Variants in SYT1 observed in about 807,000 individuals in gnomAD.
SYT1 encodes the protein synaptotagmin 1.
SYT1 carries 8 observed loss-of-function variants against 44.8 expected under a neutral mutation model. The ratio of observed to expected loss-of-function variants is 0.18; its 90% confidence interval spans 0.10 to 0.32. The LOEUF (loss-of-function observed/expected upper bound fraction) is 0.32. Ranked by LOEUF, SYT1 falls within the 10% of genes least tolerant of loss-of-function variation. The pLI is 1.00. For synonymous variants in SYT1, 154 were observed against 188.8 expected, an observed-to-expected ratio of 0.82 and a Z score of 1.51; for missense variants, 286 against 509.3, an observed-to-expected ratio of 0.56 and a Z score of 4.22.
chr12:79,340,151 G>A (rs1260893519), intron 8 of SYT1, among the ~76,000 whole-genome samples: 1 of 152,064 alleles, frequency 6.6e-6, no homozygotes, highest in Admixed American at 6.5e-5. Context: ...TTGGCAATGC[G>A]GGCTCTTTTT....
In SYT1 at chr12:79,451,795, T is replaced by C. The variant is rs1871073122; in HGVS notation, c.*2671T>C. ...TGTTTCTATGTGTGGGTTTTCCCTG[T>C]ATCTTGTAGAAATGTTGGGGTGTTT... On this transcript the variant is annotated 3_prime_UTR_variant, in exon 11 of 11. Transcript: ENST00000261205. 1 of 152,210 alleles carries C rather than the reference T, an allele frequency of 6.6e-6. No homozygotes were observed. The highest frequency in any genetic ancestry group is 1.5e-5 in the Non-Finnish European group (1 of 68,042). 9.4% of individuals were successfully genotyped at this position (152,210 alleles called of 1,614,324 possible). A position where few individuals can be genotyped will look rare whatever the true frequency, so the allele number is the denominator to read the frequency against.
intron 9 of SYT1, among the ~76,000 whole-genome samples, chr12:79,439,844 T>G (rs1687496630): frequency 6.6e-6 from 1 of 151,848 alleles, no homozygotes; most frequent in Non-Finnish European, 1.5e-5. Flanking sequence ...TTGTAAACAC[T>G]GTACTAAATT....
intron 2 of SYT1, among the ~76,000 whole-genome samples, chr12:79,002,893 A>C (rs919449491): frequency 6.6e-6 from 1 of 152,076 alleles, no homozygotes; most frequent in Non-Finnish European, 1.5e-5. Flanking sequence ...TTTCCTTTTA[A>C]AATGAGTACA....
At chr12:79,321,664 C>T (rs1448823429) in intron 8 of SYT1, among the ~76,000 whole-genome samples, 1 of 152,168 alleles carries the variant, frequency 6.6e-6, no homozygotes, top group Non-Finnish European at 1.5e-5. Context: ...GGCTGCTGTT[C>T]AGGGCACTGG....
intron 8 of SYT1, among the ~76,000 whole-genome samples, chr12:79,314,067 G>A (rs1370375151): frequency 1.3e-5 from 2 of 149,924 alleles, no homozygotes; most frequent in African/African-American, 5.0e-5. Flanking sequence ...TACTCGGGAG[G>A]CTGAGGCAGG....
At chr12:79,044,456 G>C (rs1248762040) in intron 2 of SYT1, among the ~76,000 whole-genome samples, 8 of 149,504 alleles carry the variant, frequency 5.4e-5, no homozygotes, top group Non-Finnish European at 4.5e-5. Context: ...CGTAGTTCTC[G>C]AGCCTTGGTT....
intron 9 of SYT1, among the ~76,000 whole-genome samples, chr12:79,375,221 G>C (rs1302571767): frequency 1.3e-5 from 2 of 152,154 alleles, no homozygotes; most frequent in Non-Finnish European, 2.9e-5. Flanking sequence ...TAATTAACAG[G>C]ATTTCACAAG....
intron 8 of SYT1, among the ~76,000 whole-genome samples, chr12:79,322,644 G>A (rs73352954): frequency 0.011 from 1,612 of 152,160 alleles, 30 homozygotes; most frequent in African/African-American, 0.036. Context: ...CTCTCGGGGC[G>A]TTGGGCATTT....
Position 79,300,792 on chromosome 12 carries a change from TATATATATA to T in SYT1, c.810+1242_810+1250del, listed in dbSNP as rs1565897803. On this transcript the variant is annotated intron_variant, in intron 8 of 10. Transcript: ENST00000261205. ...ATATAATATTCATGTATACTTATTA[TATATATATA>T]TATATATATATATATATATATATTT... 2.0e-3 allele frequency among the ~76,000 whole-genome samples: 150 copies of T among 74,878 alleles called. 2 individuals are homozygous for T. Among genetic ancestry groups the T allele is most frequent in the African/African-American group, 5.4e-3 (130 of 24,234 alleles). The allele number at this position is 74,878 out of a possible 152,430, so 49.1% of individuals were successfully genotyped here. A position where few individuals can be genotyped will look rare whatever the true frequency, so the allele number is the denominator to read the frequency against.
intron 8 of SYT1, among the ~76,000 whole-genome samples, chr12:79,321,246 AG>A (rs1389347733): frequency 6.6e-6 from 1 of 152,204 alleles, no homozygotes; most frequent in African/African-American, 2.4e-5. Context: ...TTAAATCAAA[AG>A]TTTGCCTTAC....
At chr12:79,215,653 G>T (rs543398903) in intron 3 of SYT1, among the ~76,000 whole-genome samples, 3 of 151,976 alleles carry the variant, frequency 2.0e-5, no homozygotes, top group Non-Finnish European at 2.9e-5. Flanking sequence ...CTATGATCTC[G>T]CCACTGCTCT....
intron 3 of SYT1, among the ~76,000 whole-genome samples, chr12:79,131,727 C>T (rs553800306): frequency 6.6e-6 from 1 of 152,256 alleles, no homozygotes; most frequent in East Asian, 1.9e-4. Flanking sequence ...AATTCAATTT[C>T]TAAAACAAAT....
intron 3 of SYT1, among the ~76,000 whole-genome samples, chr12:79,072,174 A>C (rs1314859215): frequency 1.3e-5 from 2 of 152,182 alleles, no homozygotes; most frequent in African/African-American, 2.4e-5. Flanking sequence ...ACAATAAAAA[A>C]GATAAACTAA....
At chr12:78,942,031 T>C (rs890928194) in intron 1 of SYT1, among the ~76,000 whole-genome samples, 4 of 152,230 alleles carry the variant, frequency 2.6e-5, no homozygotes, top group Admixed American at 2.0e-4. Context: ...TGGCCTCTTT[T>C]GTACAACTTC....
At chr12:79,257,311 A>T (rs1407199060) in intron 4 of SYT1, among the ~76,000 whole-genome samples, 2 of 152,202 alleles carry the variant, frequency 1.3e-5, no homozygotes, top group Non-Finnish European at 2.9e-5. Context: ...GCAGTCATGT[A>T]TTGAGGCTAA....
intron 2 of SYT1, among the ~76,000 whole-genome samples, chr12:79,030,746 T>C (rs1311754382): frequency 2.0e-5 from 3 of 151,078 alleles, no homozygotes; most frequent in African/African-American, 7.3e-5. Flanking sequence ...TGGCACCAAT[T>C]ACTTTGGTGA....
intron 1 of SYT1, among the ~76,000 whole-genome samples, chr12:78,924,952 G>A (rs1479934417): frequency 2.0e-5 from 3 of 151,664 alleles, no homozygotes; most frequent in Non-Finnish European, 4.4e-5. Context: ...TTGCTTCTAG[G>A]CCTTCTCAGC....
At chr12:79,091,651 A>G (rs936730512) in intron 3 of SYT1, among the ~76,000 whole-genome samples, 5 of 151,980 alleles carry the variant, frequency 3.3e-5, no homozygotes, top group Non-Finnish European at 7.4e-5. Flanking sequence ...AAAAAGTGAA[A>G]ATGTTATTTT....
intron 3 of SYT1, among the ~76,000 whole-genome samples, chr12:79,180,915 G>A (rs1017286274): frequency 6.6e-6 from 1 of 151,916 alleles, no homozygotes; most frequent in Non-Finnish European, 1.5e-5. Flanking sequence ...GAATCATGGG[G>A]GCAGTTACCT....
Sources: allele counts gnomAD v4.1 joint callset (sites outside exome capture counted in the v4.1 genomes callset), GRCh38; gene constraint gnomAD v4.1.1; transcripts MANE v1.5; gene names NCBI Gene and HGNC (gene_info 2026-07-23, HGNC 2026-07-21).